GLCE: variants seen among roughly 807,000 people sequenced by gnomAD.
GLCE encodes the protein D-glucuronyl C5-epimerase.
In GLCE, 19 loss-of-function variants were observed where a neutral mutation model predicts 47.9. The observed-to-expected ratio is 0.40, with a 90% CI of 0.28 to 0.58. The LOEUF (loss-of-function observed/expected upper bound fraction) is 0.58, where lower values mean the gene tolerates loss of function less well. GLCE is among the 20% of genes least tolerant of loss of function. GLCE has a pLI of 0.48. For synonymous variants in GLCE, 245 were observed against 263.4 expected (o/e 0.93, Z 0.68); for missense variants, 556 against 743.3 (o/e 0.75, Z 2.93).
intron 2 of GLCE, among the ~76,000 whole-genome samples, chr15:69,224,682 C>T (rs2052421827): frequency 6.6e-6 from 1 of 152,310 alleles, no homozygotes; most frequent in East Asian, 1.9e-4. Context: ...ACAAACTGCT[C>T]CAGGAGCACA....
intron 2 of GLCE, among the ~76,000 whole-genome samples, chr15:69,253,785 G>C (rs986279428): frequency 1.3e-5 from 2 of 152,038 alleles, no homozygotes; most frequent in Admixed American, 6.6e-5. Flanking sequence ...CAAAGATCCC[G>C]GAAGAAATCA....
intron 1 of GLCE, chr15:69,196,621 A>G (rs939656688): frequency 1.9e-5 from 3 of 161,766 alleles, no homozygotes; most frequent in Non-Finnish European, 4.1e-5. Context: ...GTGCCCGGCC[A>G]TCAAAAGTTG....
intron 1 of GLCE, among the ~76,000 whole-genome samples, chr15:69,178,328 C>G (rs1026240525): frequency 1.3e-5 from 2 of 151,990 alleles, no homozygotes; most frequent in Non-Finnish European, 2.9e-5. Flanking sequence ...TTTTGGAAAG[C>G]TGAACAAAAA....
intron 2 of GLCE, among the ~76,000 whole-genome samples, chr15:69,243,186 G>A (rs1330457772): frequency 6.6e-6 from 1 of 152,074 alleles, no homozygotes; most frequent in Non-Finnish European, 1.5e-5. Flanking sequence ...AGTATGTCAG[G>A]TAGGAGGCCC....
Position 69,255,775 on chromosome 15 carries a change from T to C in GLCE, c.-13-19T>C. 1 of 1,436,916 alleles carries C rather than the reference T, an allele frequency of 7.0e-7. No homozygotes were observed. The highest frequency in any genetic ancestry group is 1.2e-5 in the South Asian group (1 of 82,190). The allele number at this position is 1,436,916 out of a possible 1,614,324, so 89.0% of individuals were successfully genotyped here. ...GGTAGTACATCTTTGCATGATTTTT[T>C]TTCTTCTTGCCTCCATAGGTATGGT... On this transcript the variant is annotated intron_variant, in intron 2 of 4. Transcript: ENST00000261858.
chr15:69,254,755 C>A (rs116146260), intron 2 of GLCE, among the ~76,000 whole-genome samples: 336 of 152,154 alleles, frequency 2.2e-3, no homozygotes, highest in African/African-American at 7.4e-3. Context: ...ATTTGACCTC[C>A]AAATAAAGAT....
intron 2 of GLCE, among the ~76,000 whole-genome samples, chr15:69,249,158 G>C (rs2052799968): frequency 6.6e-6 from 1 of 152,112 alleles, no homozygotes; most frequent in Non-Finnish European, 1.5e-5. Flanking sequence ...TGAAGTGAGA[G>C]AGCCATCCAA....
chr15:69,190,118 T>G lies in GLCE; in HGVS notation c.-104-20198T>G, dbSNP rs144903143. ...TTTTTTTTTAGATGTTTTTCTAATT[T>G]TAATTTCTAATATAATTTTATTGTG... On this transcript the variant is annotated intron_variant, in intron 1 of 4. Transcript: ENST00000261858. Among the ~76,000 whole-genome samples, 311 of 152,268 alleles carry G rather than the reference T, an allele frequency of 2.0e-3. 4 individuals carry two copies. The highest frequency in any genetic ancestry group is 6.9e-3 in the African/African-American group (287 of 41,556).
At chr15:69,241,620 T>C (rs1003673842) in intron 2 of GLCE, among the ~76,000 whole-genome samples, 22 of 152,336 alleles carry the variant, frequency 1.4e-4, no homozygotes, top group African/African-American at 5.3e-4. Flanking sequence ...TATTTCCACT[T>C]GCACATAGTA....
intron 2 of GLCE, among the ~76,000 whole-genome samples, chr15:69,221,684 G>C (rs559048817): frequency 1.3e-5 from 2 of 151,764 alleles, no homozygotes; most frequent in African/African-American, 4.8e-5. Context: ...CCATCATGAC[G>C]AAACCCCGTC....
intron 1 of GLCE, among the ~76,000 whole-genome samples, chr15:69,161,156 C>A (rs2051412985): frequency 6.6e-6 from 1 of 151,864 alleles, no homozygotes; most frequent in South Asian, 2.1e-4. Flanking sequence ...TACCCGGGTC[C>A]CGAGCTCTTT....
chr15:69,258,476 A>G (rs2052965262), intron 3 of GLCE, among the ~76,000 whole-genome samples: 1 of 152,162 alleles, frequency 6.6e-6, no homozygotes, highest in Admixed American at 6.5e-5. Context: ...TTAATAACTA[A>G]TATTTGTAGT....
chr15:69,268,594 A>G lies in GLCE; in HGVS notation c.1204A>G (p.Met402Val), dbSNP rs190570228. 8.7e-6 allele frequency: 14 copies of G among 1,614,208 alleles called. No individual in the cohort carries two copies. Among genetic ancestry groups the G allele is most frequent in the African/African-American group, 2.7e-5 (2 of 75,058 alleles). ...CATTACCATCTCTACCACAGCCCACATGGCTGCATTTTTTGCTGCTAGTGA... is the reference window on the plus strand; with the variant it reads ...CATTACCATCTCTACCACAGCCCACGTGGCTGCATTTTTTGCTGCTAGTGA... ...DNITISTTAHMAAFFAASDWL... is the reference protein window; with the variant it reads ...DNITISTTAHVAAFFAASDWL... The change falls in exon 5 of 5, where the codon ATG becomes GTG. Residue 402 changes from methionine (M) to valine (V), a missense_variant. Physicochemically the swap from Met to Val is conservative, Grantham distance 21 (BLOSUM62 1). Coordinates refer to ENST00000261858, the MANE Select transcript of GLCE (RefSeq NM_015554.3).
chr15:69,218,754 C>G (rs964051844), intron 2 of GLCE, among the ~76,000 whole-genome samples: 1 of 152,110 alleles, frequency 6.6e-6, no homozygotes, highest in Non-Finnish European at 1.5e-5. Flanking sequence ...CATTTGATAT[C>G]TTGGAAAAGA....
intron 1 of GLCE, among the ~76,000 whole-genome samples, chr15:69,168,767 G>C (rs988808944): frequency 2.6e-5 from 4 of 152,106 alleles, no homozygotes; most frequent in Non-Finnish European, 5.9e-5. Context: ...CCCGACCTCA[G>C]GTGATCCGCC....
At chr15:69,181,183 A>G (rs991330307) in intron 1 of GLCE, among the ~76,000 whole-genome samples, 1 of 152,182 alleles carries the variant, frequency 6.6e-6, no homozygotes, top group Non-Finnish European at 1.5e-5. Flanking sequence ...GAGAAGTTGG[A>G]TCTTGGACAA....
At chr15:69,217,032 A>G (rs973450161) in intron 2 of GLCE, among the ~76,000 whole-genome samples, 1 of 152,104 alleles carries the variant, frequency 6.6e-6, no homozygotes, top group Non-Finnish European at 1.5e-5. Flanking sequence ...TAAATGTCCT[A>G]TTTAATAGTG....
chr15:69,161,616 C>G (rs1174999786), intron 1 of GLCE, among the ~76,000 whole-genome samples: 2 of 152,184 alleles, frequency 1.3e-5, no homozygotes, highest in African/African-American at 4.8e-5. Context: ...TGGGCAGCAT[C>G]CTGAAACGTT....
intron 2 of GLCE, among the ~76,000 whole-genome samples, chr15:69,255,090 G>T (rs1160770487): frequency 6.6e-6 from 1 of 152,168 alleles, no homozygotes; most frequent in Admixed American, 6.5e-5. Context: ...GCTGTTAGGA[G>T]GTCAAGTAGG....
Sources: allele counts gnomAD v4.1 joint callset (sites outside exome capture counted in the v4.1 genomes callset), GRCh38; gene constraint gnomAD v4.1.1; transcripts MANE v1.5; gene names NCBI Gene and HGNC (gene_info 2026-07-23, HGNC 2026-07-21).